The following RAB10 variants were observed in gnomAD, a reference collection of about 807,000 sequenced individuals.
The protein encoded by RAB10 is ras-related protein Rab-10.
RAB10 carries 5 observed loss-of-function variants against 25.7 expected under a neutral mutation model. That is an observed-to-expected ratio of 0.19 (90% CI 0.10 to 0.41). The LOEUF (loss-of-function observed/expected upper bound fraction) is 0.41, where lower values mean the gene tolerates loss of function less well. RAB10 is among the 10% of genes least tolerant of loss of function. RAB10 has a pLI of 1.00. For missense variants in RAB10, 103 were observed against 245.8 expected (o/e 0.42, Z 3.89); for synonymous variants, 89 against 86.4 (o/e 1.03, Z -0.16).
intron 2 of RAB10, among the ~76,000 whole-genome samples, chr2:26,109,034 C>A (rs1667520929): frequency 6.6e-6 from 1 of 151,952 alleles, no homozygotes; most frequent in Non-Finnish European, 1.5e-5. Flanking sequence ...ACCTCAGCCT[C>A]CCGAGCAGGT....
At chr2:26,113,481 G>A (rs922280688) in intron 3 of RAB10, among the ~76,000 whole-genome samples, 2 of 152,158 alleles carry the variant, frequency 1.3e-5, no homozygotes, top group East Asian at 3.9e-4. Context: ...GGCTGAGGCA[G>A]GAGAATCGCT....
chr2:26,063,286 C>T (rs1160562780), intron 1 of RAB10, among the ~76,000 whole-genome samples: 1 of 152,100 alleles, frequency 6.6e-6, no homozygotes, highest in Non-Finnish European at 1.5e-5. Flanking sequence ...TCCTTATGTC[C>T]CTTTTCCCTT....
At chr2:26,121,439 C>G (rs980781793) in intron 3 of RAB10, among the ~76,000 whole-genome samples, 1 of 152,162 alleles carries the variant, frequency 6.6e-6, no homozygotes, top group African/African-American at 2.4e-5. Flanking sequence ...CCTTCTCAGC[C>G]TCCCAAGAAG....
At chr2:26,128,027 A>C in intron 5 of RAB10, 76 bp downstream of exon 5, 1 of 1,245,172 alleles carries the variant, frequency 8.0e-7, no homozygotes, top group African/African-American at 1.5e-5. Flanking sequence ...GAAGTACTGG[A>C]TTTACATACA....
chr2:26,127,289 T>C (rs1274907863), intron 4 of RAB10, 56 bp downstream of exon 4: 3 of 1,258,754 alleles, frequency 2.4e-6, no homozygotes, highest in African/African-American at 3.1e-5. Flanking sequence ...GTAATGCTAC[T>C]TTTGATTATT....
intron 1 of RAB10, among the ~76,000 whole-genome samples, chr2:26,095,854 G>A (rs1222869913): frequency 6.6e-6 from 1 of 152,190 alleles, no homozygotes; most frequent in Non-Finnish European, 1.5e-5. Flanking sequence ...CGAGGCTGCA[G>A]TGAGCCATGA....
chr2:26,097,989 TC>T lies in RAB10; in HGVS notation c.128-668del, dbSNP rs1311011697. Among the ~76,000 whole-genome samples, 4 of 152,228 alleles carry T rather than the reference TC, an allele frequency of 2.6e-5. No homozygotes were observed. In the East Asian group the frequency reaches 5.8e-4, roughly 22 times the overall value. On this transcript the variant is annotated intron_variant, in intron 1 of 5. Transcript: ENST00000264710. The stretch of plus-strand genomic sequence containing the variant: ...TGCAGCTTAGTGAAGGCAATATTTT[TC>T]CCCCACTAGGAACCTTTTTATTCGT...
intron 2 of RAB10, chr2:26,101,640 G>A (rs866224999): frequency 6.6e-6 from 1 of 152,234 alleles, no homozygotes; most frequent in Non-Finnish European, 1.5e-5. Flanking sequence ...TGGTTACCTG[G>A]CAAGGGACTG....
intron 1 of RAB10, among the ~76,000 whole-genome samples, chr2:26,069,261 A>G (rs1666576399): frequency 6.6e-6 from 1 of 152,200 alleles, no homozygotes; most frequent in Non-Finnish European, 1.5e-5. Flanking sequence ...TCCCACTAGT[A>G]AAAGAGATAA....
At chr2:26,035,093 G>T (rs1054775037) in intron 1 of RAB10, among the ~76,000 whole-genome samples, 2 of 152,216 alleles carry the variant, frequency 1.3e-5, no homozygotes, top group Non-Finnish European at 2.9e-5. Context: ...CAGTGGTTGC[G>T]ATTGAAGCAG....
At chr2:26,047,155 A>G (rs1012014639) in intron 1 of RAB10, among the ~76,000 whole-genome samples, 1 of 152,188 alleles carries the variant, frequency 6.6e-6, no homozygotes. Context: ...ATCCACCACC[A>G]TAGTCAATAT....
At chr2:26,075,758 AT>A (rs979657341) in intron 1 of RAB10, among the ~76,000 whole-genome samples, 2 of 152,136 alleles carry the variant, frequency 1.3e-5, no homozygotes, top group African/African-American at 4.8e-5. Flanking sequence ...AATTCTGAGG[AT>A]TTGGTGGCCT....
At chr2:26,133,188 A>T (rs1449279645) in intron 5 of RAB10, among the ~76,000 whole-genome samples, 1 of 152,092 alleles carries the variant, frequency 6.6e-6, no homozygotes, top group Non-Finnish European at 1.5e-5. Context: ...AAATATTTTA[A>T]TTTTTTCCCT....
At chr2:26,104,250 G>A (rs182001862) in intron 2 of RAB10, among the ~76,000 whole-genome samples, 29 of 152,264 alleles carry the variant, frequency 1.9e-4, no homozygotes, top group African/African-American at 5.3e-4. Flanking sequence ...GTATATTGTC[G>A]TTTGGGTCAT....
At chr2:26,079,152 A>G (rs1041324429) in intron 1 of RAB10, among the ~76,000 whole-genome samples, 2 of 152,008 alleles carry the variant, frequency 1.3e-5, no homozygotes, top group Admixed American at 1.3e-4. Context: ...GTGCCATTAC[A>G]CTCCAGGCTG....
chr2:26,064,427 TC>T (rs1195871743), intron 1 of RAB10, among the ~76,000 whole-genome samples: 1 of 151,922 alleles, frequency 6.6e-6, no homozygotes, highest in African/African-American at 2.4e-5. Flanking sequence ...GCTCAAGCAA[TC>T]CTCCCACCTC....
chr2:26,077,946 TC>T (rs1421906961), intron 1 of RAB10, among the ~76,000 whole-genome samples: 1 of 151,884 alleles, frequency 6.6e-6, no homozygotes, highest in East Asian at 1.9e-4. Context: ...GCCACTGCAC[TC>T]CAGCCTGGGC....
At chr2:26,040,391 TG>T (rs1272559697) in intron 1 of RAB10, among the ~76,000 whole-genome samples, 1 of 151,824 alleles carries the variant, frequency 6.6e-6, no homozygotes, top group East Asian at 1.9e-4. Flanking sequence ...GGACTGGGCG[TG>T]GTGGCTCAAA....
At chr2:26,051,704 A>G (rs184583997) in intron 1 of RAB10, among the ~76,000 whole-genome samples, 8 of 151,158 alleles carry the variant, frequency 5.3e-5, no homozygotes, top group Admixed American at 1.3e-4. Flanking sequence ...CAGTGAACCA[A>G]GATTGCGCCA....
Sources: allele counts gnomAD v4.1 joint callset (sites outside exome capture counted in the v4.1 genomes callset), GRCh38; gene constraint gnomAD v4.1.1; transcripts MANE v1.5; gene names NCBI Gene and HGNC (gene_info 2026-07-23, HGNC 2026-07-21).